RNF212: variants seen among roughly 807,000 people sequenced by gnomAD.
RNF212 encodes probable E3 SUMO-protein ligase RNF212.
Under a neutral mutation model 34.7 loss-of-function variants are expected in RNF212, and 33 were observed. The ratio of observed to expected loss-of-function variants is 0.95; its 90% CI spans 0.72 to 1.27. RNF212 has a LOEUF of 1.27. RNF212 is among the 50% of genes most tolerant of loss of function. RNF212 has a pLI of 0.00. For synonymous variants in RNF212, 140 were observed against 136.1 expected (o/e 1.03, Z -0.20); for missense variants, 377 against 362.2 (o/e 1.04, Z -0.33).
intron 1 of RNF212, among the ~76,000 whole-genome samples, chr4:1,112,819 C>A: frequency 1.0e-5 from 1 of 99,530 alleles, no homozygotes; most frequent in South Asian, 4.8e-4. Flanking sequence ...TCCCCCTTCC[C>A]CCCCAAGCCT....
At chr4:1,106,744 C>T (rs139484315) in intron 2 of RNF212, among the ~76,000 whole-genome samples, 9 of 152,168 alleles carry the variant, frequency 5.9e-5, no homozygotes, top group Admixed American at 2.6e-4. Context: ...GGGTACCGTG[C>T]GAGGAGCAGA....
At chr4:1,088,704 C>T (rs1374071066) in intron 4 of RNF212, among the ~76,000 whole-genome samples, 2 of 152,234 alleles carry the variant, frequency 1.3e-5, no homozygotes, top group African/African-American at 4.8e-5. Context: ...ATGGGCCGGG[C>T]CAAGGCCCCC....
chr4:1,093,443 A>G, intron 3 of RNF212: 1 of 1,435,816 alleles, frequency 7.0e-7, no homozygotes, highest in East Asian at 2.5e-5. Flanking sequence ...CTCACGTCAC[A>G]CAGCTGCGGG....
intron 5 of RNF212, among the ~76,000 whole-genome samples, chr4:1,083,746 G>A (rs1236617038): frequency 6.6e-6 from 1 of 152,124 alleles, no homozygotes; most frequent in Non-Finnish European, 1.5e-5. Context: ...TGACCAGGTG[G>A]CCTAAGACGA....
At chr4:1,090,667 A>G (rs1255327548) in intron 4 of RNF212, 115 bp downstream of exon 4, 1 of 712,034 alleles carries the variant, frequency 1.4e-6, no homozygotes, top group African/African-American at 1.8e-5. Flanking sequence ...ACACAGAGAA[A>G]CAGATATTGC....
At chr4:1,096,644 CATGGT>C (rs1723098614) in intron 3 of RNF212, 116 bp downstream of exon 3, 1 of 719,856 alleles carries the variant, frequency 1.4e-6, no homozygotes, top group African/African-American at 1.8e-5. Context: ...CTCACAGCTC[CATGGT>C]CTCGGGATAG....
Position 1,100,026 on chromosome 4 carries a change from G to T in RNF212, c.172-3187C>A, listed in dbSNP as rs1283370381. 9 of 386,514 alleles carry T rather than the reference G, an allele frequency of 2.3e-5. No individual in the cohort carries two copies. The Admixed American group carries it at 2.4e-4, about 10-fold the overall frequency. The allele number at this position is 386,514 out of a possible 1,614,324, so 23.9% of individuals were successfully genotyped here. ...CTAGGAATGCCAGCCCTAATTTACT[G>T]TCTTGAAACACACAGATTGTACTGG... is the stretch of plus-strand genomic sequence containing the variant. On this transcript the variant is annotated intron_variant, in intron 2 of 9. Transcript: ENST00000433731.
At chr4:1,106,878 A>G (rs1724912929) in intron 2 of RNF212, among the ~76,000 whole-genome samples, 2 of 152,246 alleles carry the variant, frequency 1.3e-5, no homozygotes, top group African/African-American at 2.4e-5. Context: ...AATTTATGCC[A>G]CAGAAATATT....
intron 5 of RNF212, among the ~76,000 whole-genome samples, chr4:1,085,353 G>T (rs1721000221): frequency 6.6e-6 from 1 of 152,216 alleles, no homozygotes; most frequent in African/African-American, 2.4e-5. Flanking sequence ...GTTTCAAATG[G>T]CTAGATTTTC....
At chr4:1,059,477 G>A (rs889044323) in intron 3 of RNF212, among the ~76,000 whole-genome samples, 2 of 152,208 alleles carry the variant, frequency 1.3e-5, no homozygotes, top group African/African-American at 4.8e-5. Context: ...AGGCCACGGT[G>A]AGCACACTTC....
Position 1,096,775 on chromosome 4 carries a change from TC to T in RNF212, c.235del (p.Glu79LysfsTer6), listed in dbSNP as rs1411715179. On this transcript the variant is annotated frameshift_variant, in exon 3 of 10. Coordinates refer to ENST00000433731, the MANE Select transcript of RNF212 (RefSeq NM_001131034.4). LOFTEE classifies it high-confidence loss of function. ...IDSLCKKYSR[E>X]TSQILEFQEK... Reference sequence around the variant, plus strand: ...CCCCTCACAGCTCACCTGGGAGGTTTCCCTGGAGTACTTCTTACACAGACTG... The same window carrying T: ...CCCCTCACAGCTCACCTGGGAGGTTTCCTGGAGTACTTCTTACACAGACTG... 1 of 1,613,486 alleles carries T rather than the reference TC, an allele frequency of 6.2e-7. No individual in the cohort carries two copies. The highest frequency in any genetic ancestry group is 8.5e-7 in the Non-Finnish European group (1 of 1,179,344).
rs750041377 is a variant in RNF212 at position 1,090,848 on chromosome 4, T to C, written c.247-10A>G. 42 of 1,569,262 alleles carry C rather than the reference T, an allele frequency of 2.7e-5. No homozygotes were observed. Among genetic ancestry groups the C allele is most frequent in the Non-Finnish European group, 3.2e-5 (36 of 1,140,298 alleles). ...CTTGAAATTCTAAAATCTGAAAAGATCATAGGTTTCAGCTGCTGACACAGA... is the reference window on the plus strand; with the variant it reads ...CTTGAAATTCTAAAATCTGAAAAGACCATAGGTTTCAGCTGCTGACACAGA... On this transcript the variant is annotated splice_polypyrimidine_tract_variant and intron_variant, in intron 3 of 9. Coordinates refer to ENST00000433731, the MANE Select transcript of RNF212 (RefSeq NM_001131034.4).
intron 2 of RNF212, chr4:1,099,860 G>C (rs571794664): frequency 2.2e-6 from 1 of 456,098 alleles, no homozygotes; most frequent in East Asian, 6.9e-5. Flanking sequence ...CGGGATCCAC[G>C]GGGCTCTCCT....
intron 2 of RNF212, among the ~76,000 whole-genome samples, chr4:1,102,354 A>C (rs544581207): frequency 2.7e-4 from 41 of 152,188 alleles, no homozygotes; most frequent in Non-Finnish European, 5.3e-4. Flanking sequence ...GCCTTGTAGA[A>C]CCTGCATACA....
intron 3 of RNF212, among the ~76,000 whole-genome samples, chr4:1,062,750 GA>G (rs1314254244): frequency 3.3e-5 from 5 of 152,068 alleles, no homozygotes; most frequent in Admixed American, 1.3e-4. Context: ...ATCGTGGTTG[GA>G]AAGGAAAAAG....
chr4:1,088,645 C>T (rs947868661), intron 4 of RNF212, among the ~76,000 whole-genome samples: 6 of 152,344 alleles, frequency 3.9e-5, no homozygotes, highest in Middle Eastern at 6.8e-3. Context: ...TGTGAGAGAT[C>T]TTCACAGCAG....
intron 2 of RNF212, among the ~76,000 whole-genome samples, chr4:1,105,723 T>C (rs1342447699): frequency 6.8e-6 from 1 of 146,944 alleles, no homozygotes; most frequent in African/African-American, 2.5e-5. Flanking sequence ...CAAGTGCACA[T>C]GCTGGCATAA....
In RNF212 at chr4:1,093,682, G is replaced by A. The variant is rs532434311; in HGVS notation, c.247-2844C>T. On this transcript the variant is annotated intron_variant, in intron 3 of 9. Transcript: ENST00000433731. Reference sequence around the variant, plus strand: ...GCACTTGGCAAAACCACCCTGGAGCGCACGGCCTGTGGCTCTGATGTCTGT... The same window carrying A: ...GCACTTGGCAAAACCACCCTGGAGCACACGGCCTGTGGCTCTGATGTCTGT... 2.5e-5 allele frequency: 39 copies of A among 1,536,142 alleles called. No individual in the cohort carries two copies. The African/African-American group carries it at 4.6e-4, about 18-fold the overall frequency.
chr4:1,112,685 T>C (rs1165350311), intron 1 of RNF212, among the ~76,000 whole-genome samples: 1 of 142,682 alleles, frequency 7.0e-6, no homozygotes, highest in African/African-American at 2.6e-5. Flanking sequence ...CCGACCCCTG[T>C]GTCCCCCTCA....
Sources: gnomAD v4.1 joint callset for allele counts (sites outside exome capture counted in the v4.1 genomes callset) on GRCh38, gnomAD v4.1.1 for gene constraint, MANE v1.5 for transcripts, NCBI Gene and HGNC (gene_info 2026-07-23, HGNC 2026-07-21) for gene names.